NEK11: variants seen among roughly 807,000 people sequenced by gnomAD.
The protein encoded by NEK11 is serine/threonine-protein kinase Nek11.
A neutral mutation model predicts 80.7 loss-of-function variants in NEK11; 72 were observed. The observed-to-expected ratio is 0.89, with a 90% CI of 0.74 to 1.08. The LOEUF (loss-of-function observed/expected upper bound fraction) is 1.08. Among genes scored for constraint, NEK11 ranks in the 50% least tolerant of loss-of-function variants. The pLI, the probability that NEK11 is intolerant of heterozygous loss-of-function variation, is 0.00. For synonymous variants in NEK11, 251 were observed against 260.7 expected, an observed-to-expected ratio of 0.96 and a Z score of 0.36; for missense variants, 764 against 763.6, an observed-to-expected ratio of 1.00 and a Z score of -0.01.
intron 3 of NEK11, among the ~76,000 whole-genome samples, chr3:131,073,149 C>T (rs1646917335): frequency 6.6e-6 from 1 of 152,148 alleles, no homozygotes; most frequent in African/African-American, 2.4e-5. Flanking sequence ...CCAGGGAGCA[C>T]CAGCACTATT....
chr3:131,331,891 A>C (rs1162780407), intron 17 of NEK11, among the ~76,000 whole-genome samples: 1 of 152,202 alleles, frequency 6.6e-6, no homozygotes, highest in African/African-American at 2.4e-5. Flanking sequence ...TCAAACTGCA[A>C]GGCGGCAGCG....
intron 14 of NEK11, among the ~76,000 whole-genome samples, chr3:131,223,210 C>T (rs575508282): frequency 5.3e-5 from 8 of 152,264 alleles, no homozygotes; most frequent in South Asian, 2.1e-4. Context: ...AAACATGAGG[C>T]GTGACAAACA....
At chr3:131,189,438 G>C (rs905594699) in intron 14 of NEK11, among the ~76,000 whole-genome samples, 1 of 152,104 alleles carries the variant, frequency 6.6e-6, no homozygotes, top group African/African-American at 2.4e-5. Context: ...TCTGGCAAGG[G>C]CCTATTTTCT....
At chr3:131,150,658 T>C (rs2089468228) in intron 7 of NEK11, among the ~76,000 whole-genome samples, 1 of 152,010 alleles carries the variant, frequency 6.6e-6, no homozygotes, top group East Asian at 1.9e-4. Flanking sequence ...ATTGGAGTCT[T>C]TTCCCTCTTG....
At chr3:131,032,625 C>T (rs1483865897) in intron 3 of NEK11, among the ~76,000 whole-genome samples, 1 of 152,242 alleles carries the variant, frequency 6.6e-6, no homozygotes, top group Admixed American at 6.5e-5. Flanking sequence ...AAAATCCCAG[C>T]TTTGGATGTG....
chr3:131,342,706 A>G (rs2097304644), intron 17 of NEK11, among the ~76,000 whole-genome samples: 5 of 152,140 alleles, frequency 3.3e-5, no homozygotes, highest in Admixed American at 3.3e-4. Context: ...CGTACATGAT[A>G]GTAAATAATA....
intron 11 of NEK11, among the ~76,000 whole-genome samples, chr3:131,162,945 T>C (rs2091811333): frequency 6.6e-6 from 1 of 152,188 alleles, no homozygotes; most frequent in Admixed American, 6.5e-5. Flanking sequence ...GGCAGGAAAT[T>C]GTTAGCTTTT....
At chr3:131,289,028 G>A (rs942235269) in intron 17 of NEK11, among the ~76,000 whole-genome samples, 2 of 152,082 alleles carry the variant, frequency 1.3e-5, no homozygotes, top group Non-Finnish European at 2.9e-5. Context: ...TAGTCTGCTC[G>A]GGTTGCCATA....
At chr3:131,089,853 A>T (rs548394782) in intron 4 of NEK11, among the ~76,000 whole-genome samples, 2 of 152,342 alleles carry the variant, frequency 1.3e-5, no homozygotes, top group South Asian at 4.1e-4. Flanking sequence ...TTTGAGGTCC[A>T]CTGGAAGAAT....
At chr3:131,050,729 T>A (rs1036913437) in intron 3 of NEK11, among the ~76,000 whole-genome samples, 3 of 152,198 alleles carry the variant, frequency 2.0e-5, no homozygotes, top group Non-Finnish European at 4.4e-5. Flanking sequence ...TAGTAAAAGT[T>A]CTCTGAAAGT....
intron 3 of NEK11, among the ~76,000 whole-genome samples, chr3:131,037,737 G>T (rs2065865999): frequency 6.6e-6 from 1 of 152,110 alleles, no homozygotes; most frequent in African/African-American, 2.4e-5. Context: ...CCTATTTATG[G>T]ATATTTCTGT....
chr3:131,072,015 T>C (rs187887774), intron 3 of NEK11, among the ~76,000 whole-genome samples: 110 of 152,350 alleles, frequency 7.2e-4, no homozygotes, highest in African/African-American at 2.6e-3. Context: ...TACTACATTC[T>C]CTACCCCTGA....
intron 14 of NEK11, among the ~76,000 whole-genome samples, chr3:131,192,140 A>G (rs1030902047): frequency 1.3e-5 from 2 of 152,124 alleles, no homozygotes; most frequent in South Asian, 2.1e-4. Context: ...TTGAATAGAA[A>G]TTTCTCCAAA....
At chr3:131,330,347 G>A (rs2097055874) in intron 17 of NEK11, 1 of 152,184 alleles carries the variant, frequency 6.6e-6, no homozygotes, top group Non-Finnish European at 1.5e-5. Flanking sequence ...GAAGTGTCAA[G>A]TAGGTAGCTG....
intron 17 of NEK11, among the ~76,000 whole-genome samples, chr3:131,301,325 C>G (rs1455675883): frequency 6.6e-6 from 1 of 152,088 alleles, no homozygotes; most frequent in Admixed American, 6.6e-5. Flanking sequence ...TATCTACAAA[C>G]AGATAGTTTG....
chr3:131,195,294 A>G lies in NEK11; in HGVS notation c.1399+24407A>G, dbSNP rs531944218. On this transcript the variant is annotated intron_variant, in intron 14 of 17. Coordinates refer to ENST00000383366, the MANE Select transcript of NEK11 (RefSeq NM_024800.5). ...ACCCCATGCTACTACACTCCATCTC[A>G]CTCCTGTTATGGTGACCAGCCATCC... Among the ~76,000 whole-genome samples, 6 of 149,222 alleles carry G rather than the reference A, an allele frequency of 4.0e-5. No homozygotes were observed. In the South Asian group the frequency reaches 1.3e-3, roughly 32 times the overall value.
At chr3:131,174,619 T>C (rs773023059) in intron 14 of NEK11, 5 of 828,802 alleles carry the variant, frequency 6.0e-6, no homozygotes, top group Non-Finnish European at 9.2e-6. Context: ...TGGGTAACCA[T>C]TATAACCAAA....
chr3:131,159,265 C>T (rs936058097), intron 10 of NEK11, among the ~76,000 whole-genome samples: 1 of 152,168 alleles, frequency 6.6e-6, no homozygotes, highest in African/African-American at 2.4e-5. Context: ...ACCTCCGTAG[C>T]AAGGGTTCTG....
At chr3:131,286,896 C>A (rs149840686) in intron 17 of NEK11, among the ~76,000 whole-genome samples, 1 of 152,146 alleles carries the variant, frequency 6.6e-6, no homozygotes, top group South Asian at 2.1e-4. Context: ...TTCATTAAGA[C>A]CCTTGGGGTG....
Sources: allele counts gnomAD v4.1 joint callset (sites outside exome capture counted in the v4.1 genomes callset), GRCh38; gene constraint gnomAD v4.1.1; transcripts MANE v1.5; gene names NCBI Gene and HGNC (gene_info 2026-07-23, HGNC 2026-07-21).